HDHD5: variants seen among roughly 807,000 people sequenced by gnomAD.
HDHD5 encodes haloacid dehalogenase like hydrolase domain containing 5.
Under a neutral mutation model 35.5 loss-of-function variants are expected in HDHD5, and 34 were observed. The observed-to-expected ratio is 0.96, with a 90% CI of 0.73 to 1.28. The LOEUF is 1.28. Among genes scored for constraint, HDHD5 ranks in the 50% most tolerant of loss-of-function variants. HDHD5 has a pLI of 0.00. For synonymous variants in HDHD5, 248 were observed against 240.6 expected, an observed-to-expected ratio of 1.03 and a Z score of -0.29; for missense variants, 589 against 560.2, an observed-to-expected ratio of 1.05 and a Z score of -0.52.
chr22:17,159,108 G>A lies in HDHD5; in HGVS notation c.126+18C>T, dbSNP rs752643005. 9.7e-6 allele frequency: 12 copies of A among 1,239,516 alleles called. No individual in the cohort carries two copies. Among genetic ancestry groups the A allele is most frequent in the Non-Finnish European group, 1.2e-5 (12 of 989,902 alleles). 76.8% of individuals were successfully genotyped at this position (1,239,516 alleles called of 1,614,324 possible). A position where few individuals can be genotyped will look rare whatever the true frequency, so the allele number is the denominator to read the frequency against. On this transcript the variant is annotated intron_variant, in intron 1 of 7. Coordinates refer to ENST00000336737, the MANE Select transcript of HDHD5 (RefSeq NM_033070.3). ...CCCTGAGTGGCGAGTGGCTCGGCCA[G>A]AACCCGGACGTCCTCACCTGAGCGG...
At chr22:17,155,665 A>G (rs1389543033) in intron 1 of HDHD5, among the ~76,000 whole-genome samples, 1 of 152,042 alleles carries the variant, frequency 6.6e-6, no homozygotes, top group Non-Finnish European at 1.5e-5. Flanking sequence ...CCCCTCCCCA[A>G]CCTTCAGGAT....
At chr22:17,153,061 ATGCCTGGACAAATGG>A (rs2061747326) in intron 1 of HDHD5, among the ~76,000 whole-genome samples, 1 of 152,190 alleles carries the variant, frequency 6.6e-6, no homozygotes, top group Admixed American at 6.5e-5. Context: ...CACACAGGAA[ATGCCTGGACAAATGG>A]TGCCTCTAAC....
At chr22:17,151,727 T>TAAAAAAAAAAAAAAAAAA (rs59104154) in intron 1 of HDHD5, among the ~76,000 whole-genome samples, 1 of 113,124 alleles carries the variant, frequency 8.8e-6, no homozygotes, top group Non-Finnish European at 1.7e-5. Flanking sequence ...TAGACTCTAC[T>TAAAAAAAAAAAAAAAAAA]AAAAAAAAAA....
At position 17,138,743 on chromosome 22, in the gene HDHD5, C is replaced by T; in HGVS notation, c.747-5G>A. The T allele has an allele frequency of 6.2e-7, 1 of 1,614,138 alleles. No homozygotes were observed. The highest frequency in any genetic ancestry group is 8.5e-7 in the Non-Finnish European group (1 of 1,179,996). On this transcript the variant is annotated splice_polypyrimidine_tract_variant and splice_region_variant and intron_variant, in intron 6 of 7. Transcript: ENST00000336737. ...AGAAAGGTGCCATGTCCAAACCTGC[C>T]AGAAACGAGCACGCAGCAGTTCAGT...
At chr22:17,159,645 T>TG (rs1601407903), upstream of HDHD5, 2 of 382,668 alleles carry the variant, frequency 5.2e-6, no homozygotes, top group East Asian at 2.3e-4. Context: ...GCCGGGCCGC[T>TG]GGGGCAGACC....
chr22:17,150,221 TTC>T (rs1275394700), intron 1 of HDHD5, among the ~76,000 whole-genome samples: 1 of 152,226 alleles, frequency 6.6e-6, no homozygotes, highest in Admixed American at 6.5e-5. Context: ...CATCATCTCG[TTC>T]TTTTTTGCTT....
At chr22:17,165,226 G>A in exon 1 of HDHD5, 1 of 778,010 alleles carries the variant, frequency 1.3e-6, no homozygotes. Flanking sequence ...AAGCTGGGAA[G>A]AAAGAACCAA....
At position 17,145,107 on chromosome 22, in the gene HDHD5, G is replaced by A. The variant is rs139992562; in HGVS notation, c.454C>T (p.Arg152Ter). ...AGCTCATCCACGGTGACGACATTTC[G>A]GAAGCCCAGTCTGGAGCAAGCTCAG... ...VMENAQGLGF[R>*]NVVTVDELRM... is the part of the protein sequence containing the mutation. The change falls in exon 4 of 8, where the codon CGA becomes TGA. Residue 152 changes from arginine (R) to a stop codon, truncating the protein, a stop_gained. Transcript: ENST00000336737. LOFTEE classifies it high-confidence loss of function. 1.5e-4 allele frequency: 242 copies of A among 1,613,842 alleles called. No individual in the cohort carries two copies. Among genetic ancestry groups the A allele is most frequent in the Non-Finnish European group, 1.9e-4 (223 of 1,179,996 alleles).
intron 4 of HDHD5, among the ~76,000 whole-genome samples, chr22:17,144,226 G>C (rs1252980439): frequency 6.6e-6 from 1 of 152,128 alleles, no homozygotes; most frequent in Non-Finnish European, 1.5e-5. Context: ...AGAGAGGACA[G>C]GGCATAAAGC....
Position 17,148,439 on chromosome 22 carries a change from A to G in HDHD5, c.443+9T>C. The G allele has an allele frequency of 1.2e-6, 2 of 1,610,488 alleles. No homozygotes were observed. The highest frequency in any genetic ancestry group is 1.7e-6 in the Non-Finnish European group (2 of 1,176,704). ...TTCCCTTCAGCCAGAGTTAAGACCA[A>G]AAGGATACCCCTGGGCATTTTCCAT... is the stretch of plus-strand genomic sequence containing the variant. On this transcript the variant is annotated intron_variant, in intron 3 of 7. Transcript: ENST00000336737.
upstream of HDHD5, among the ~76,000 whole-genome samples, chr22:17,164,175 C>A (rs1223422486): frequency 6.8e-6 from 1 of 146,354 alleles, no homozygotes; most frequent in Non-Finnish European, 1.5e-5. Flanking sequence ...GAGCTGAGAC[C>A]GTGCCACTGC....
intron 1 of HDHD5, among the ~76,000 whole-genome samples, chr22:17,156,135 T>C (rs145005660): frequency 6.9e-6 from 1 of 145,234 alleles, no homozygotes; most frequent in African/African-American, 2.6e-5. Context: ...CTTCAGAAGA[T>C]ATCCAGAAGA....
chr22:17,150,848 C>G (rs1362987975), intron 1 of HDHD5, among the ~76,000 whole-genome samples: 1 of 152,144 alleles, frequency 6.6e-6, no homozygotes. Context: ...ATGCATAGCT[C>G]TATTTCCTAA....
intron 6 of HDHD5, among the ~76,000 whole-genome samples, chr22:17,140,233 G>A (rs1283712147): frequency 6.6e-6 from 1 of 152,172 alleles, no homozygotes; most frequent in East Asian, 1.9e-4. Flanking sequence ...CAACCGAACA[G>A]TACACAGCAG....
upstream of HDHD5, among the ~76,000 whole-genome samples, chr22:17,161,176 G>A (rs1269280049): frequency 6.6e-6 from 1 of 150,506 alleles, no homozygotes; most frequent in Non-Finnish European, 1.5e-5. Flanking sequence ...AACCTGGGAG[G>A]TGGAGGTTGC....
chr22:17,137,797 A>C lies in HDHD5; in HGVS notation c.*224T>G. ...TAGACTGCCACGAAAGGCACGTGGG[A>C]ACTGGGCCCAGAAAATTCCAACCGT... On this transcript the variant is annotated 3_prime_UTR_variant, in exon 8 of 8. Transcript: ENST00000336737. 1.8e-6 allele frequency: 1 copy of C among 544,842 alleles called. No individual in the cohort carries two copies. Among genetic ancestry groups the C allele is most frequent in the Non-Finnish European group, 3.3e-6 (1 of 304,574 alleles). 33.8% of individuals were successfully genotyped at this position (544,842 alleles called of 1,614,324 possible).
At chr22:17,153,937 C>T (rs1045895683) in intron 1 of HDHD5, among the ~76,000 whole-genome samples, 1 of 152,044 alleles carries the variant, frequency 6.6e-6, no homozygotes, top group African/African-American at 2.4e-5. Context: ...CTCACCGCAA[C>T]CTCCATCACC....
intron 5 of HDHD5, chr22:17,142,063 CTAAAAT>C (rs2061606247): frequency 6.6e-6 from 1 of 152,174 alleles, no homozygotes. Context: ...CTATCCCACA[CTAAAAT>C]TAATTTTTAA....
At chr22:17,144,782 C>T (rs1051915532) in intron 4 of HDHD5, among the ~76,000 whole-genome samples, 5 of 152,000 alleles carry the variant, frequency 3.3e-5, no homozygotes, top group Non-Finnish European at 7.4e-5. Context: ...AACTCCTGGG[C>T]TCAAACAGTC....
Sources: gnomAD v4.1 joint callset for allele counts (sites outside exome capture counted in the v4.1 genomes callset) on GRCh38, gnomAD v4.1.1 for gene constraint, MANE v1.5 for transcripts, NCBI Gene and HGNC (gene_info 2026-07-23, HGNC 2026-07-21) for gene names.